Variants in DLG2 observed in about 807,000 individuals in gnomAD.
DLG2 encodes disks large homolog 2.
In DLG2, 45 loss-of-function variants were observed where a neutral mutation model predicts 132.5. The ratio of observed to expected loss-of-function variants is 0.34; its 90% CI spans 0.27 to 0.44. The LOEUF is 0.44. Ranked by LOEUF, DLG2 falls within the 20% of genes least tolerant of loss-of-function variation. DLG2 has a pLI of 1.00. For missense variants in DLG2, 1,045 were observed against 1,196.9 expected (o/e 0.87, Z 1.87); for synonymous variants, 424 against 419.6 (o/e 1.01, Z -0.13).
At chr11:85,437,311 TA>T (rs111269575) in intron 3 of DLG2, among the ~76,000 whole-genome samples, 37 of 127,204 alleles carry the variant, frequency 2.9e-4, no homozygotes, top group African/African-American at 2.9e-4. Flanking sequence ...GAACTTAAAG[TA>T]AAAAAAAAAA....
chr11:85,151,627 C>T (rs2077260167), intron 5 of DLG2, among the ~76,000 whole-genome samples: 1 of 152,170 alleles, frequency 6.6e-6, no homozygotes, highest in South Asian at 2.1e-4. Context: ...TTTCCCACCA[C>T]CATTTGTTAA....
chr11:85,455,473 G>A (rs2092391557), intron 3 of DLG2, among the ~76,000 whole-genome samples: 1 of 152,050 alleles, frequency 6.6e-6, no homozygotes, highest in Non-Finnish European at 1.5e-5. Flanking sequence ...CTGCAAGCAG[G>A]GATAGTTTGA....
chr11:83,800,552 C>T (rs1398021237), intron 17 of DLG2, among the ~76,000 whole-genome samples: 1 of 152,094 alleles, frequency 6.6e-6, no homozygotes, highest in East Asian at 1.9e-4. Context: ...AGACTAGAAT[C>T]CTTCTGGAGC....
At chr11:85,047,885 T>G (rs2062502138) in intron 6 of DLG2, among the ~76,000 whole-genome samples, 1 of 151,844 alleles carries the variant, frequency 6.6e-6, no homozygotes, top group Non-Finnish European at 1.5e-5. Flanking sequence ...TAAAAGACAT[T>G]CTGATCATTA....
chr11:85,309,195 A>C (rs529278619), intron 3 of DLG2, among the ~76,000 whole-genome samples: 3 of 152,234 alleles, frequency 2.0e-5, no homozygotes, highest in Admixed American at 2.0e-4. Flanking sequence ...AATACAATAC[A>C]TATCAATCCA....
chr11:84,031,633 C>T (rs577876663), intron 11 of DLG2, among the ~76,000 whole-genome samples: 94 of 152,244 alleles, frequency 6.2e-4, no homozygotes, highest in Admixed American at 1.2e-3. Context: ...CGAATGGCAA[C>T]GATCTAAACA....
At chr11:85,583,519 T>C (rs2153229579) in intron 3 of DLG2, among the ~76,000 whole-genome samples, 1 of 152,128 alleles carries the variant, frequency 6.6e-6, no homozygotes, top group East Asian at 1.9e-4. Context: ...ATCTGTAGGT[T>C]ATTATTGAAA....
intron 18 of DLG2, among the ~76,000 whole-genome samples, chr11:83,723,572 G>A (rs1368367221): frequency 6.6e-6 from 1 of 151,896 alleles, no homozygotes; most frequent in African/African-American, 2.4e-5. Flanking sequence ...TTATCTTGGG[G>A]GGCCAGAAAT....
chr11:84,568,146 C>T (rs57575798), intron 6 of DLG2, among the ~76,000 whole-genome samples: 2 of 152,130 alleles, frequency 1.3e-5, no homozygotes, highest in Admixed American at 6.5e-5. Context: ...AGGAACCATA[C>T]GTGATAAGTA....
chr11:84,164,076 T>C (rs1011466736), intron 8 of DLG2, among the ~76,000 whole-genome samples: 4 of 152,168 alleles, frequency 2.6e-5, no homozygotes, highest in African/African-American at 9.7e-5. Flanking sequence ...ACCATACCTA[T>C]GTACCTCAGT....
intron 17 of DLG2, among the ~76,000 whole-genome samples, chr11:83,802,701 T>C (rs905670560): frequency 7.2e-5 from 11 of 152,260 alleles, no homozygotes; most frequent in African/African-American, 2.6e-4. Context: ...CATACATGTC[T>C]AATATTTTGA....
At chr11:84,084,496 G>T (rs1049135303) in intron 10 of DLG2, among the ~76,000 whole-genome samples, 3 of 152,100 alleles carry the variant, frequency 2.0e-5, no homozygotes, top group Admixed American at 6.5e-5. Flanking sequence ...GCAAGATTTT[G>T]TTCTACTGTT....
At chr11:84,854,750 C>T (rs141327683) in intron 6 of DLG2, among the ~76,000 whole-genome samples, 32 of 152,038 alleles carry the variant, frequency 2.1e-4, no homozygotes, top group Admixed American at 5.3e-4. Flanking sequence ...CAAGTTCAAA[C>T]CGTGTATTAA....
intron 3 of DLG2, among the ~76,000 whole-genome samples, chr11:85,437,136 A>C (rs1349473827): frequency 6.6e-6 from 1 of 152,030 alleles, no homozygotes; most frequent in African/African-American, 2.4e-5. Context: ...AATAACATAC[A>C]CCAGGAACTG....
chr11:84,714,595 T>TTCTCTCTCTCTC (rs1351118874), intron 6 of DLG2, among the ~76,000 whole-genome samples: 1 of 103,892 alleles, frequency 9.6e-6, no homozygotes, highest in Non-Finnish European at 1.9e-5. Flanking sequence ...CTCTTTCTCT[T>TTCTCTCTCTCTC]TCTTTCTCTT....
intron 3 of DLG2, among the ~76,000 whole-genome samples, chr11:85,343,767 C>T (rs891600028): frequency 6.6e-6 from 1 of 152,024 alleles, no homozygotes; most frequent in Admixed American, 6.6e-5. Context: ...GATAGAGCAG[C>T]GAGGAAAACC....
intron 9 of DLG2, among the ~76,000 whole-genome samples, chr11:84,155,541 G>A (rs528011809): frequency 3.3e-5 from 5 of 151,304 alleles, no homozygotes; most frequent in African/African-American, 1.2e-4. Context: ...TGATCTAAAG[G>A]GTCTGCCCCT....
intron 7 of DLG2, among the ~76,000 whole-genome samples, chr11:84,532,821 T>A (rs984821311): frequency 6.6e-6 from 1 of 152,142 alleles, no homozygotes; most frequent in African/African-American, 2.4e-5. Context: ...AGGGAGTTTT[T>A]CAACCAGTTT....
intron 6 of DLG2, among the ~76,000 whole-genome samples, chr11:84,830,625 C>A (rs1181251698): frequency 6.6e-6 from 1 of 151,476 alleles, no homozygotes; most frequent in African/African-American, 2.4e-5. Flanking sequence ...TAGCATTAAA[C>A]TGGGTCAGGA....
Sources: allele counts gnomAD v4.1 joint callset (sites outside exome capture counted in the v4.1 genomes callset), GRCh38; gene constraint gnomAD v4.1.1; transcripts MANE v1.5; gene names NCBI Gene and HGNC (gene_info 2026-07-23, HGNC 2026-07-21).